KHDRBS2: variants seen among roughly 807,000 people sequenced by gnomAD.
KHDRBS2 encodes the protein KH domain-containing, RNA-binding, signal transduction-associated protein 2.
In KHDRBS2, 26 loss-of-function variants were observed where a neutral mutation model predicts 44.3. That is an observed-to-expected ratio of 0.59 (90% confidence interval 0.43 to 0.81). The LOEUF is 0.81. Among genes scored for constraint, KHDRBS2 ranks in the 40% least tolerant of loss-of-function variants. KHDRBS2 has a pLI of 0.00. For missense variants in KHDRBS2, 476 were observed against 433.1 expected, an observed-to-expected ratio of 1.10 and a Z score of -0.88; for synonymous variants, 194 against 151.1, an observed-to-expected ratio of 1.28 and a Z score of -2.08.
intron 2 of KHDRBS2, among the ~76,000 whole-genome samples, chr6:62,100,625 G>A (rs964862271): frequency 6.6e-6 from 1 of 152,130 alleles, no homozygotes; most frequent in African/African-American, 2.4e-5. Flanking sequence ...ATCAAGTCAA[G>A]ACCCTAACCA....
intron 5 of KHDRBS2, among the ~76,000 whole-genome samples, chr6:61,899,732 T>TC (rs1803580282): frequency 1.6e-5 from 1 of 62,690 alleles, no homozygotes; most frequent in Non-Finnish European, 3.1e-5. Flanking sequence ...ATTGTTTTAA[T>TC]GCCCCCCCCC....
intron 8 of KHDRBS2, among the ~76,000 whole-genome samples, chr6:61,693,717 G>C (rs1312782042): frequency 2.0e-5 from 3 of 152,046 alleles, no homozygotes; most frequent in African/African-American, 4.8e-5. Flanking sequence ...ATTTGGCCCA[G>C]AATGAAATTT....
chr6:61,672,943 A>G, the KHDRBS2 span, among the ~76,000 whole-genome samples: 2 of 151,812 alleles, frequency 1.3e-5, no homozygotes, highest in Non-Finnish European at 2.9e-5. Context: ...CTGAATGGTA[A>G]TGCCTAGGTT....
chr6:61,883,742 A>C (rs565308072), intron 6 of KHDRBS2, among the ~76,000 whole-genome samples: 1 of 152,228 alleles, frequency 6.6e-6, no homozygotes, highest in African/African-American at 2.4e-5. Flanking sequence ...ATAGTTTCAC[A>C]ATACATTTCA....
intron 8 of KHDRBS2, among the ~76,000 whole-genome samples, chr6:61,687,487 T>A (rs1766945890): frequency 6.6e-6 from 1 of 151,822 alleles, no homozygotes; most frequent in African/African-American, 2.4e-5. Context: ...CATCTTCCTT[T>A]CAGACCCATA....
chr6:61,801,807 C>T (rs769453498), intron 6 of KHDRBS2, among the ~76,000 whole-genome samples: 37 of 152,036 alleles, frequency 2.4e-4, no homozygotes, highest in African/African-American at 3.9e-4. Context: ...CATTTCTGGA[C>T]GTAAAACTTC....
chr6:61,982,629 C>T (rs1349098255), intron 3 of KHDRBS2, among the ~76,000 whole-genome samples: 1 of 151,018 alleles, frequency 6.6e-6, no homozygotes, highest in East Asian at 2.0e-4. Flanking sequence ...CGAGATGGTG[C>T]CACTGCACTC....
At chr6:61,878,032 G>A (rs1165380600) in intron 6 of KHDRBS2, among the ~76,000 whole-genome samples, 13 of 151,888 alleles carry the variant, frequency 8.6e-5, no homozygotes. Context: ...TATGTAATGA[G>A]AAAAATTTTG....
chr6:61,980,559 T>G (rs1489125015), intron 3 of KHDRBS2, among the ~76,000 whole-genome samples: 2 of 152,212 alleles, frequency 1.3e-5, no homozygotes, highest in African/African-American at 4.8e-5. Context: ...AAATTTGTTT[T>G]AATAGACTTG....
At chr6:62,023,850 G>C (rs370384628) in intron 3 of KHDRBS2, among the ~76,000 whole-genome samples, 2 of 150,796 alleles carry the variant, frequency 1.3e-5, no homozygotes, top group Non-Finnish European at 3.0e-5. Context: ...AATTTACTAT[G>C]TAAAGTATAA....
intron 6 of KHDRBS2, among the ~76,000 whole-genome samples, chr6:61,892,931 A>G (rs1261310742): frequency 2.6e-5 from 4 of 152,116 alleles, no homozygotes; most frequent in Non-Finnish European, 5.9e-5. Flanking sequence ...GAGCTTCTGC[A>G]CAGCAAAAGA....
chr6:62,271,801 T>C (rs1840132777), intron 1 of KHDRBS2, among the ~76,000 whole-genome samples: 1 of 152,090 alleles, frequency 6.6e-6, no homozygotes, highest in Non-Finnish European at 1.5e-5. Context: ...AGATATTGTT[T>C]AGCTAATTGC....
chr6:62,057,221 C>T (rs929267587), intron 2 of KHDRBS2, among the ~76,000 whole-genome samples: 1 of 151,936 alleles, frequency 6.6e-6, no homozygotes, highest in Admixed American at 6.6e-5. Flanking sequence ...TTACCTGTCA[C>T]AGTTTAAGTC....
intron 4 of KHDRBS2, among the ~76,000 whole-genome samples, chr6:61,973,380 G>T (rs1771843179): frequency 6.6e-6 from 1 of 152,032 alleles, no homozygotes; most frequent in African/African-American, 2.4e-5. Context: ...TTCAGAACTA[G>T]GATTACAGTG....
chr6:62,119,017 A>G (rs896875460), intron 2 of KHDRBS2, among the ~76,000 whole-genome samples: 2 of 152,076 alleles, frequency 1.3e-5, no homozygotes, highest in Non-Finnish European at 2.9e-5. Flanking sequence ...CTGGTTTTGT[A>G]CCTCTAGAGA....
chr6:61,775,860 C>T (rs12525487), intron 6 of KHDRBS2, among the ~76,000 whole-genome samples: 1 of 152,104 alleles, frequency 6.6e-6, no homozygotes, highest in Non-Finnish European at 1.5e-5. Flanking sequence ...AAGAACAAAG[C>T]TGGAGGCAAC....
At chr6:61,911,831 C>CA (rs1227534421) in intron 4 of KHDRBS2, among the ~76,000 whole-genome samples, 2 of 151,702 alleles carry the variant, frequency 1.3e-5, no homozygotes, top group Non-Finnish European at 2.9e-5. Context: ...TGCCACTTCA[C>CA]AAAAATTATC....
At chr6:61,716,669 A>C (rs1771479051) in intron 7 of KHDRBS2, among the ~76,000 whole-genome samples, 1 of 151,988 alleles carries the variant, frequency 6.6e-6, no homozygotes, top group Non-Finnish European at 1.5e-5. Context: ...ACCACTCCTT[A>C]TTGCATACTT....
At chr6:61,784,375 A>G (rs77258153) in intron 6 of KHDRBS2, among the ~76,000 whole-genome samples, 2 of 151,660 alleles carry the variant, frequency 1.3e-5, no homozygotes, top group Non-Finnish European at 2.9e-5. Context: ...TAATTATTCT[A>G]TGAAGATGAT....
Sources: gnomAD v4.1 joint callset for allele counts (sites outside exome capture counted in the v4.1 genomes callset) on GRCh38, gnomAD v4.1.1 for gene constraint, MANE v1.5 for transcripts, NCBI Gene and HGNC (gene_info 2026-07-23, HGNC 2026-07-21) for gene names.